PPP2R2D: variants seen among roughly 807,000 people sequenced by gnomAD.
The protein encoded by PPP2R2D is protein phosphatase 2 regulatory subunit Bdelta.
In PPP2R2D, 9 loss-of-function variants were observed where a neutral mutation model predicts 31.1. That is an observed-to-expected ratio of 0.29 (90% CI 0.17 to 0.51). The LOEUF (loss-of-function observed/expected upper bound fraction) is 0.51, where lower values mean the gene tolerates loss of function less well. Ranked by LOEUF, PPP2R2D falls within the 20% of genes least tolerant of loss-of-function variation. PPP2R2D has a pLI of 0.98. For missense variants in PPP2R2D, 391 were observed against 465.6 expected (o/e 0.84, Z 1.48); for synonymous variants, 179 against 172.6 (o/e 1.04, Z -0.29).
intron 8 of PPP2R2D, among the ~76,000 whole-genome samples, chr10:131,955,464 C>CT (rs2036775283): frequency 6.6e-6 from 1 of 152,198 alleles, no homozygotes; most frequent in African/African-American, 2.4e-5. Flanking sequence ...TTTGTTTCTC[C>CT]TGTGACATGG....
chr10:131,954,823 C>T (rs782167697), intron 8 of PPP2R2D, among the ~76,000 whole-genome samples: 15 of 152,168 alleles, frequency 9.9e-5, no homozygotes, highest in Admixed American at 3.3e-4. Flanking sequence ...CGTGAGGGCG[C>T]GGGTTAGTGT....
downstream of PPP2R2D, among the ~76,000 whole-genome samples, chr10:131,964,414 C>T (rs1284962474): frequency 6.6e-6 from 1 of 151,796 alleles, no homozygotes; most frequent in African/African-American, 2.4e-5. Flanking sequence ...GTTGGAGGAT[C>T]ATTGCTTCCA....
At chr10:131,906,065 CAGTA>C (rs2035576536) in intron 2 of PPP2R2D, among the ~76,000 whole-genome samples, 3 of 152,214 alleles carry the variant, frequency 2.0e-5, no homozygotes, top group South Asian at 2.1e-4. Flanking sequence ...ACCACAGAGA[CAGTA>C]AGTAAGTGAA....
chr10:131,929,231 G>T (rs1554895343), intron 2 of PPP2R2D, among the ~76,000 whole-genome samples: 2 of 152,216 alleles, frequency 1.3e-5, no homozygotes, highest in African/African-American at 4.8e-5. Context: ...CTGAGCCTCT[G>T]CCTCCTCCCA....
At chr10:131,967,898 C>T in the PPP2R2D span, 3 of 152,202 alleles carry the variant, frequency 2.0e-5, no homozygotes, top group Non-Finnish European at 4.4e-5. Flanking sequence ...ACCTAATAAT[C>T]GGAGACTTAA....
chr10:131,950,370 A>G (rs1280071313), intron 8 of PPP2R2D, among the ~76,000 whole-genome samples: 1 of 152,034 alleles, frequency 6.6e-6, no homozygotes, highest in Non-Finnish European at 1.5e-5. Flanking sequence ...ATTGCAGGAC[A>G]CCAAACGCAA....
chr10:131,946,557 C>A (rs1022382658), intron 7 of PPP2R2D, among the ~76,000 whole-genome samples: 1 of 152,156 alleles, frequency 6.6e-6, no homozygotes, highest in Non-Finnish European at 1.5e-5. Context: ...AGAATTCCTG[C>A]GATGAGGATG....
At chr10:131,932,789 T>A (rs2119819788) in intron 2 of PPP2R2D, among the ~76,000 whole-genome samples, 2 of 152,202 alleles carry the variant, frequency 1.3e-5, no homozygotes, top group Middle Eastern at 6.8e-3. Context: ...ACGTTGTTGG[T>A]TTTGTAATTT....
chr10:131,922,454 G>GTT (rs11298994), intron 2 of PPP2R2D, among the ~76,000 whole-genome samples: 23 of 133,816 alleles, frequency 1.7e-4, no homozygotes, highest in East Asian at 6.5e-4. Context: ...TCTGTCAATT[G>GTT]TTTTTTTTTT....
chr10:131,946,470 T>C (rs9419219), intron 7 of PPP2R2D, among the ~76,000 whole-genome samples: 104,686 of 152,058 alleles, frequency 0.69, 36,647 homozygotes, highest in African/African-American at 0.83. Context: ...AATGTGCCCA[T>C]GGACCGTGTG....
chr10:131,949,461 C>T (rs1310794665), intron 8 of PPP2R2D, among the ~76,000 whole-genome samples: 1 of 152,104 alleles, frequency 6.6e-6, no homozygotes, highest in Non-Finnish European at 1.5e-5. Flanking sequence ...CTCTGGATTT[C>T]GTCACATTAA....
intron 3 of PPP2R2D, among the ~76,000 whole-genome samples, chr10:131,937,473 C>T (rs1374563070): frequency 6.6e-6 from 1 of 151,570 alleles, no homozygotes; most frequent in Non-Finnish European, 1.5e-5. Flanking sequence ...CTGCCCGTGT[C>T]CCCATGAGGC....
intron 8 of PPP2R2D, among the ~76,000 whole-genome samples, chr10:131,951,127 A>G (rs1554898723): frequency 6.6e-6 from 1 of 152,228 alleles, no homozygotes; most frequent in African/African-American, 2.4e-5. Context: ...GTGATCAGCA[A>G]GTAAAGCCAG....
intron 2 of PPP2R2D, among the ~76,000 whole-genome samples, chr10:131,927,690 C>T (rs1035130813): frequency 1.3e-5 from 2 of 152,166 alleles, no homozygotes; most frequent in Non-Finnish European, 2.9e-5. Context: ...GCACATCGGA[C>T]ACCCCGTTCT....
chr10:131,937,571 G>A (rs2036366540), intron 3 of PPP2R2D, among the ~76,000 whole-genome samples: 1 of 152,286 alleles, frequency 6.6e-6, no homozygotes, highest in Admixed American at 6.5e-5. Context: ...GGTTTGGGGT[G>A]ACTGGGATGG....
chr10:131,944,621 G>A (rs992323099), intron 6 of PPP2R2D, among the ~76,000 whole-genome samples: 3 of 152,162 alleles, frequency 2.0e-5, no homozygotes, highest in Non-Finnish European at 4.4e-5. Context: ...GCCAGCAGCC[G>A]GGAGCATGGG....
chr10:131,968,602 C>T, the PPP2R2D span: 1 of 1,551,388 alleles, frequency 6.4e-7, no homozygotes, highest in Non-Finnish European at 8.9e-7. Flanking sequence ...GTTAATGTAT[C>T]TTGTGATTCA....
chr10:131,913,274 G>A (rs1232195109), intron 2 of PPP2R2D, among the ~76,000 whole-genome samples: 3 of 149,602 alleles, frequency 2.0e-5, no homozygotes, highest in South Asian at 4.2e-4. Context: ...CAAGTGATCC[G>A]CCCACCTCGG....
At chr10:131,918,985 T>C (rs2035897389) in intron 2 of PPP2R2D, among the ~76,000 whole-genome samples, 1 of 132,824 alleles carries the variant, frequency 7.5e-6, no homozygotes, top group Non-Finnish European at 1.6e-5. Flanking sequence ...ACACAGTGTT[T>C]GTAGGGACCT....
Sources: gnomAD v4.1 joint callset for allele counts (sites outside exome capture counted in the v4.1 genomes callset) on GRCh38, gnomAD v4.1.1 for gene constraint, MANE v1.5 for transcripts, NCBI Gene and HGNC (gene_info 2026-07-23, HGNC 2026-07-21) for gene names.